SLC2A14: variants seen among roughly 807,000 people sequenced by gnomAD.
The protein encoded by SLC2A14 is solute carrier family 2, facilitated glucose transporter member 14.
A neutral mutation model predicts 43.0 loss-of-function variants in SLC2A14; 13 were observed. That is an observed-to-expected ratio of 0.30 (90% CI 0.20 to 0.48). SLC2A14 has a LOEUF of 0.48. Among genes scored for constraint, SLC2A14 ranks in the 20% least tolerant of loss-of-function variants. SLC2A14 has a pLI of 0.99. For synonymous variants in SLC2A14, 190 were observed against 233.8 expected, an observed-to-expected ratio of 0.81 and a Z score of 1.71; for missense variants, 428 against 620.4, an observed-to-expected ratio of 0.69 and a Z score of 3.29.
chr12:7,858,106 C>T (rs1002931896), intron 2 of SLC2A14, among the ~76,000 whole-genome samples: 9 of 152,150 alleles, frequency 5.9e-5, no homozygotes, highest in Non-Finnish European at 1.2e-4. Flanking sequence ...GCACTCCAGC[C>T]TGGGTGACAC....
At chr12:7,866,400 G>T (rs144301190) in intron 2 of SLC2A14, among the ~76,000 whole-genome samples, 1 of 151,590 alleles carries the variant, frequency 6.6e-6, no homozygotes, top group African/African-American at 2.4e-5. Context: ...TTGCTCTGTC[G>T]CCTAGGCTGG....
intron 2 of SLC2A14, among the ~76,000 whole-genome samples, chr12:7,848,633 G>A (rs760098366): frequency 1.3e-5 from 2 of 150,792 alleles, no homozygotes; most frequent in Non-Finnish European, 2.9e-5. Flanking sequence ...TCAGCTCACC[G>A]CAACCTCCAC....
chr12:7,852,908 G>C (rs956198222), intron 2 of SLC2A14, among the ~76,000 whole-genome samples: 1 of 151,994 alleles, frequency 6.6e-6, no homozygotes, highest in Non-Finnish European at 1.5e-5. Context: ...AAAAAAGAAA[G>C]GTTTTCTCAC....
intron 2 of SLC2A14, among the ~76,000 whole-genome samples, chr12:7,840,531 C>T (rs573144233): frequency 4.0e-5 from 6 of 150,062 alleles, no homozygotes; most frequent in Non-Finnish European, 8.8e-5. Context: ...AGGCACCCGC[C>T]ACCACACCCA....
intron 1 of SLC2A14, among the ~76,000 whole-genome samples, chr12:7,882,682 C>G (rs1402360885): frequency 1.3e-5 from 2 of 151,992 alleles, no homozygotes; most frequent in Non-Finnish European, 2.9e-5. Flanking sequence ...ACTAAAAATA[C>G]GAAAGTTAGT....
chr12:7,843,275 G>A (rs961272543), intron 2 of SLC2A14, among the ~76,000 whole-genome samples: 4 of 149,824 alleles, frequency 2.7e-5, no homozygotes, highest in African/African-American at 9.9e-5. Flanking sequence ...GTAGAAAGCC[G>A]GTGGGAAAAC....
intron 1 of SLC2A14, 110 bp downstream of exon 1, chr12:7,872,697 G>C: frequency 3.5e-6 from 3 of 860,192 alleles, no homozygotes; most frequent in Non-Finnish European, 4.2e-6. Flanking sequence ...TTCTTAGCCC[G>C]GCCCACCTCC....
Position 7,887,558 on chromosome 12 carries a change from CAGATAGATAGATAGATAGATAGAT to C in SLC2A14, c.132+3414_132+3437del, listed in dbSNP as rs58618647. 7.3e-3 allele frequency among the ~76,000 whole-genome samples: 1,083 copies of C among 148,538 alleles called. 12 individuals are homozygous for C. Among genetic ancestry groups the C allele is most frequent in the African/African-American group, 0.018 (734 of 40,372 alleles). ...TTCTAGTGATAGTAGGTAGATAAAT[CAGATAGATAGATAGATAGATAGAT>C]AGATAGATAGATAGATAGATAGATA... On this transcript the variant is annotated intron_variant, in intron 1 of 9. Coordinates refer to the SLC2A14 transcript ENST00000539924.
chr12:7,834,962 C>G (rs770303798), intron 2 of SLC2A14, among the ~76,000 whole-genome samples: 6 of 152,002 alleles, frequency 3.9e-5, no homozygotes, highest in Admixed American at 2.6e-4. Context: ...TTGGGAGGAG[C>G]CTGGCTCAGT....
intron 2 of SLC2A14, among the ~76,000 whole-genome samples, chr12:7,841,377 C>T (rs1179886218): frequency 1.3e-5 from 2 of 152,124 alleles, no homozygotes; most frequent in Admixed American, 6.5e-5. Flanking sequence ...TCTCCTGCCT[C>T]AGCCTCCCAA....
In SLC2A14 at chr12:7,829,903, A is replaced by C. The variant is rs1421181658; in HGVS notation, c.376T>G (p.Leu126Val). 1 of 1,614,092 alleles carries C rather than the reference A, an allele frequency of 6.2e-7. No homozygotes were observed. Among genetic ancestry groups the C allele is most frequent in the Non-Finnish European group, 8.5e-7 (1 of 1,180,042 alleles). Residue 126 changes from leucine (L) to valine (V), a missense_variant, in exon 5 of 11, where the codon TTG (leucine) becomes GTG (valine). Transcript: ENST00000431042. ...ESVEMLILGR[L>V]VIGLFCGLCT... is the part of the protein sequence containing the mutation. ...AGTCCGCAGAAGAGGCCAATAACCA[A>C]GCGGCCCAGGATCAGCATTTCAACT...
intron 2 of SLC2A14, among the ~76,000 whole-genome samples, chr12:7,840,536 C>T (rs1436272030): frequency 6.6e-6 from 1 of 151,982 alleles, no homozygotes; most frequent in African/African-American, 2.4e-5. Context: ...CCCGCCACCA[C>T]ACCCACACCC....
At chr12:7,871,295 C>A in intron 1 of SLC2A14, 1 of 1,117,676 alleles carries the variant, frequency 8.9e-7, no homozygotes. Context: ...TGGGAGGCAC[C>A]CATTGATAAA....
upstream of SLC2A14, among the ~76,000 whole-genome samples, chr12:7,873,907 G>C (rs1345766069): frequency 5.3e-5 from 8 of 152,060 alleles, no homozygotes; most frequent in Admixed American, 4.6e-4. Context: ...GGAATTACCT[G>C]GAGCCTTACC....
intron 1 of SLC2A14, among the ~76,000 whole-genome samples, chr12:7,878,996 A>C (rs1007090301): frequency 3.9e-5 from 5 of 128,500 alleles, no homozygotes; most frequent in South Asian, 2.7e-4. Flanking sequence ...AAAAAAAAAA[A>C]AAAAAAAAAC....
chr12:7,825,766 C>CAAAAAAA (rs35156149), intron 7 of SLC2A14, among the ~76,000 whole-genome samples: 6 of 121,178 alleles, frequency 5.0e-5, no homozygotes, highest in Admixed American at 9.1e-5. Flanking sequence ...CTCTGTCTCA[C>CAAAAAAA]AAAAAAAAAA....
chr12:7,837,124 G>A (rs1190966606), intron 2 of SLC2A14, among the ~76,000 whole-genome samples: 3 of 150,476 alleles, frequency 2.0e-5, no homozygotes, highest in Non-Finnish European at 3.0e-5. Flanking sequence ...CCAAAATCAC[G>A]CCACTGCACT....
intron 1 of SLC2A14, among the ~76,000 whole-genome samples, chr12:7,886,031 C>A (rs1945681982): frequency 6.6e-6 from 1 of 150,658 alleles, no homozygotes; most frequent in Non-Finnish European, 1.5e-5. Context: ...GTCGCTCAGG[C>A]TGGAGTGCAG....
At chr12:7,864,117 C>T (rs1382672128) in intron 2 of SLC2A14, among the ~76,000 whole-genome samples, 1 of 151,682 alleles carries the variant, frequency 6.6e-6, no homozygotes, top group Non-Finnish European at 1.5e-5. Flanking sequence ...CGCCCGGCCA[C>T]CACATTGTTT....
Sources: allele counts gnomAD v4.1 joint callset (sites outside exome capture counted in the v4.1 genomes callset), GRCh38; gene constraint gnomAD v4.1.1; transcripts MANE v1.5; gene names NCBI Gene and HGNC (gene_info 2026-07-23, HGNC 2026-07-21).